Variants in DHX29 observed in about 807,000 individuals in gnomAD.
The protein encoded by DHX29 is DExH-box helicase 29.
Under a neutral mutation model 167.9 loss-of-function variants are expected in DHX29, and 79 were observed. The ratio of observed to expected loss-of-function variants is 0.47; its 90% CI spans 0.39 to 0.57. DHX29 has a LOEUF of 0.57. Ranked by LOEUF, DHX29 falls within the 20% of genes least tolerant of loss-of-function variation. The pLI is 0.00. For missense variants in DHX29, 1,347 were observed against 1,593.4 expected, an observed-to-expected ratio of 0.85 and a Z score of 2.63; for synonymous variants, 530 against 546.0, an observed-to-expected ratio of 0.97 and a Z score of 0.41.
intron 1 of DHX29, among the ~76,000 whole-genome samples, chr5:55,305,739 A>G (rs949041943): frequency 6.6e-6 from 1 of 152,246 alleles, no homozygotes; most frequent in Non-Finnish European, 1.5e-5. Flanking sequence ...AGAAAAAGTT[A>G]GTTTGGGGAA....
chr5:55,264,073 T>C (rs1231767526), intron 23 of DHX29, among the ~76,000 whole-genome samples: 1 of 151,772 alleles, frequency 6.6e-6, no homozygotes, highest in Admixed American at 6.6e-5. Context: ...GATGGGAGGA[T>C]CGCTTGAGAC....
chr5:55,302,346 C>T (rs1748646088), intron 1 of DHX29, among the ~76,000 whole-genome samples: 1 of 152,034 alleles, frequency 6.6e-6, no homozygotes. Flanking sequence ...AGTACATTAC[C>T]AAGACTACAT....
intron 1 of DHX29, among the ~76,000 whole-genome samples, chr5:55,306,195 G>A (rs1372927037): frequency 2.0e-5 from 3 of 152,132 alleles, no homozygotes; most frequent in African/African-American, 7.2e-5. Context: ...CCACCTTCTA[G>A]GTAAAGGTCT....
At chr5:55,284,544 C>T (rs1747616309) in intron 10 of DHX29, among the ~76,000 whole-genome samples, 1 of 152,122 alleles carries the variant, frequency 6.6e-6, no homozygotes, top group South Asian at 2.1e-4. Context: ...AACTACTGTC[C>T]AGAGTTCCAC....
intron 8 of DHX29, among the ~76,000 whole-genome samples, chr5:55,288,199 T>TGC (rs1747844930): frequency 6.6e-6 from 1 of 151,758 alleles, no homozygotes; most frequent in South Asian, 2.1e-4. Flanking sequence ...GCTGAGATAA[T>TGC]GCCATTGCAC....
intron 26 of DHX29, among the ~76,000 whole-genome samples, chr5:55,258,123 A>G (rs1746140518): frequency 6.6e-6 from 1 of 152,216 alleles, no homozygotes; most frequent in East Asian, 1.9e-4. Context: ...GTTCAGTACA[A>G]TCATACTGAA....
chr5:55,276,533 AT>A, intron 13 of DHX29, 127 bp from the exon 14 acceptor site: 1 of 722,556 alleles, frequency 1.4e-6, no homozygotes, highest in South Asian at 2.2e-5. Context: ...ATGAAAAAAA[AT>A]TTTTAGTATT....
At chr5:55,267,264 G>A (rs1561138808) in intron 22 of DHX29, 33 bp from the exon 23 acceptor site, 2 of 1,485,344 alleles carry the variant, frequency 1.3e-6, no homozygotes, top group Admixed American at 3.5e-5. Flanking sequence ...AATGAATAAA[G>A]TTCACCATGT....
chr5:55,297,735 G>A (rs1291819558), intron 2 of DHX29, among the ~76,000 whole-genome samples: 2 of 152,094 alleles, frequency 1.3e-5, no homozygotes, highest in Non-Finnish European at 2.9e-5. Context: ...ATTCTTGGAG[G>A]GATTTAATGT....
chr5:55,272,644 A>G (rs568711603), intron 17 of DHX29, among the ~76,000 whole-genome samples: 93 of 152,266 alleles, frequency 6.1e-4, no homozygotes, highest in African/African-American at 2.2e-3. Flanking sequence ...GAGGCAGCAG[A>G]ATCGCTTGAA....
chr5:55,299,031 C>T (rs1317422165), intron 1 of DHX29, among the ~76,000 whole-genome samples: 7 of 119,858 alleles, frequency 5.8e-5, no homozygotes, highest in African/African-American at 1.0e-4. Flanking sequence ...AGCGAGACTC[C>T]GTCTCAAAAA....
intron 6 of DHX29, among the ~76,000 whole-genome samples, chr5:55,293,039 CA>C (rs1748130048): frequency 6.6e-6 from 1 of 152,188 alleles, no homozygotes; most frequent in Non-Finnish European, 1.5e-5. Flanking sequence ...TGGTCCTAAT[CA>C]CCAGTAACAG....
At chr5:55,284,855 C>T (rs1194678788) in intron 10 of DHX29, among the ~76,000 whole-genome samples, 1 of 151,870 alleles carries the variant, frequency 6.6e-6, no homozygotes, top group Non-Finnish European at 1.5e-5. Context: ...ATAGTGAGAC[C>T]CTGTCTCTAT....
At chr5:55,307,141 G>A (rs1033493804) in intron 1 of DHX29, among the ~76,000 whole-genome samples, 1 of 152,204 alleles carries the variant, frequency 6.6e-6, no homozygotes, top group Non-Finnish European at 1.5e-5. Context: ...GTTTTTAGAA[G>A]GGGGAGAAGT....
intron 2 of DHX29, 33 bp from the exon 3 acceptor site, chr5:55,297,431 A>G (rs368147235): frequency 1.6e-5 from 14 of 875,764 alleles, no homozygotes; most frequent in Non-Finnish European, 2.4e-5. Context: ...ATCATTTAGA[A>G]GCTAAATTAT....
At chr5:55,297,182 A>G in intron 3 of DHX29, 103 bp downstream of exon 3, 1 of 629,758 alleles carries the variant, frequency 1.6e-6, no homozygotes, top group Non-Finnish European at 2.8e-6. Context: ...AATGATCTAC[A>G]TAAAATCTCA....
intron 14 of DHX29, 114 bp from the exon 15 acceptor site, chr5:55,275,124 C>T (rs937664763): frequency 9.9e-6 from 12 of 1,216,532 alleles, no homozygotes; most frequent in Non-Finnish European, 1.4e-5. Context: ...TTCTCATTGT[C>T]ACCATTACTA....
At chr5:55,283,127 A>C in intron 11 of DHX29, 76 bp downstream of exon 11, 1 of 1,482,694 alleles carries the variant, frequency 6.7e-7, no homozygotes, top group Non-Finnish European at 9.0e-7. Flanking sequence ...TATGGTACAC[A>C]TTCCATTTGG....
At chr5:55,289,530 T>A (rs981352014) in intron 7 of DHX29, 102 bp from the exon 8 acceptor site, 1 of 880,972 alleles carries the variant, frequency 1.1e-6, no homozygotes, top group Non-Finnish European at 1.6e-6. Flanking sequence ...AGTTTCATGG[T>A]TTTCATGCCT....
Sources: allele counts gnomAD v4.1 joint callset (sites outside exome capture counted in the v4.1 genomes callset), GRCh38; gene constraint gnomAD v4.1.1; transcripts MANE v1.5; gene names NCBI Gene and HGNC (gene_info 2026-07-23, HGNC 2026-07-21).